Variants in VWA7 observed in about 807,000 individuals in gnomAD.
The protein encoded by VWA7 is von Willebrand factor A domain containing 7, also known as von Willebrand factor A domain-containing protein 7.
In VWA7, 66 loss-of-function variants were observed where a neutral mutation model predicts 83.1. The observed-to-expected ratio is 0.79, with a 90% CI of 0.65 to 0.98. The LOEUF is 0.98. Among genes scored for constraint, VWA7 ranks in the 50% least tolerant of loss-of-function variants. The probability of loss-of-function intolerance (pLI) is 0.00; values close to 1 mark genes in which losing one functional copy is unlikely to be tolerated. For missense variants in VWA7, 1,080 were observed against 1,160.2 expected, an observed-to-expected ratio of 0.93 and a Z score of 1.00; for synonymous variants, 424 against 488.5, an observed-to-expected ratio of 0.87 and a Z score of 1.74.
Position 31,773,343 on chromosome 6 carries a change from A to G in VWA7, c.816T>C (p.Pro272=). ...NKDSTSPGFS[P]HHMLHLQAAK... ...CAGCCTGGAGGTGCAGCATGTGGTG[A>G]GGGGAGAAGCCTGGGGATGTGCTGT... Residue 272 remains proline, a synonymous_variant, in exon 6 of 17, where the codon CCT becomes CCC. Transcript: ENST00000375688. This position sits in a 1 kb window ranked among gnomAD's most constrained non-coding sequence, Gnocchi z 5.3. The G allele has an allele frequency of 6.2e-7, 1 of 1,608,206 alleles. No homozygotes were observed.
rs1316873270 is a variant in VWA7, at chr6:31,770,130, A to G, written c.1088-17T>C. ...GGCCGAACCCTGGGAAGGGGAAAGG[A>G]GGTTAAGATAAGTGAGGAAAGAGCT... is the stretch of plus-strand genomic sequence containing the variant. On this transcript the variant is annotated splice_polypyrimidine_tract_variant and intron_variant, in intron 7 of 16. Transcript: ENST00000375688. The G allele has an allele frequency of 1.9e-6, 3 of 1,605,934 alleles. No homozygotes were observed. Among genetic ancestry groups the G allele is most frequent in the South Asian group, 2.2e-5 (2 of 90,800 alleles).
At chr6:31,772,810 G>C (rs1812325930) in intron 7 of VWA7, 144 bp downstream of exon 7, 1 of 964,028 alleles carries the variant, frequency 1.0e-6, no homozygotes, top group Non-Finnish European at 1.5e-6. Flanking sequence ...TATTAGTCAG[G>C]CTGGTCTCAA....
In VWA7 at chr6:31,773,048, G is replaced by A. The variant is rs149293400; in HGVS notation, c.993C>T (p.Asn331=). The A allele has an allele frequency of 4.8e-5, 78 of 1,612,560 alleles. No individual in the cohort carries two copies. The highest frequency in any genetic ancestry group is 8.9e-5 in the East Asian group (4 of 44,878). ...DTTGSMGEEI[N]AAKIQARHLV... ...GGTGGCGAGCCTGGATTTTGGCAGC[G>A]TTGATCTCCTCACCCATGCTGCCCG... is the stretch of plus-strand genomic sequence containing the variant. The change falls in exon 7 of 17, where the codon AAC becomes AAT. Residue 331 remains asparagine (N), a synonymous_variant. Coordinates refer to ENST00000375688, the MANE Select transcript of VWA7 (RefSeq NM_025258.3). The surrounding 1 kb of genome is among the most constrained non-coding windows in gnomAD (Gnocchi z 5.3).
At position 31,766,613 on chromosome 6, in the gene VWA7, C is replaced by T. The variant is rs1212556954; in HGVS notation, c.2034G>A (p.Pro678=). 4 of 1,612,898 alleles carry T rather than the reference C, an allele frequency of 2.5e-6. No homozygotes were observed. The highest frequency in any genetic ancestry group is 1.1e-5 in the South Asian group (1 of 91,092). Reference sequence around the variant, plus strand: ...GCGAGGCTGCGAGGAGACCTCGCTCCGGAGGTCCCACGGGCTCCAAGGGCA... The same window carrying T: ...GCGAGGCTGCGAGGAGACCTCGCTCTGGAGGTCCCACGGGCTCCAAGGGCA... ...GQVPLEPVGP[P]ERGLLAASLS... is the part of the protein sequence containing the mutation. The change falls in exon 14 of 17, where the codon CCG becomes CCA. Residue 678 remains proline (P), a synonymous_variant. Coordinates refer to ENST00000375688, the MANE Select transcript of VWA7 (RefSeq NM_025258.3). The surrounding 1 kb of genome is among the most constrained non-coding windows in gnomAD (Gnocchi z 4.9).
intron 4 of VWA7, among the ~76,000 whole-genome samples, chr6:31,774,890 G>A (rs1812545437): frequency 6.6e-6 from 1 of 152,126 alleles, no homozygotes; most frequent in Admixed American, 6.5e-5. Flanking sequence ...GGAGGCTAAG[G>A]CGGGCAGAGC....
Position 31,770,038 on chromosome 6 carries a change from C to G in VWA7, c.1163G>C (p.Gly388Ala), listed in dbSNP as rs142871734. 6.2e-7 allele frequency: 1 copy of G among 1,612,634 alleles called. No individual in the cohort carries two copies. Among genetic ancestry groups the G allele is most frequent in the South Asian group, 1.1e-5 (1 of 91,076 alleles). ...QQLNEIHALGGGDEPEMCLSA... is the reference protein window; with the variant it reads ...QQLNEIHALGAGDEPEMCLSA... The stretch of plus-strand genomic sequence containing the variant: ...CAGGCACATCTCAGGCTCGTCTCCA[C>G]CCCCCAAGGCATGGATCTCATTAAG... Residue 388 changes from glycine to alanine, a missense_variant, in exon 8 of 17, where the codon GGT (glycine) becomes GCT (alanine). By Grantham distance (60) the Gly-to-Ala change is moderately conservative. Transcript: ENST00000375688.
chr6:31,774,560 A>G lies in VWA7; in HGVS notation c.677T>C (p.Leu226Pro), dbSNP rs746480747. 6.2e-7 allele frequency: 1 copy of G among 1,612,812 alleles called. No homozygotes were observed. Among genetic ancestry groups the G allele is most frequent in the Non-Finnish European group, 8.5e-7 (1 of 1,179,930 alleles). ...AGTTCCAAAGTAGCCAGAGGTGAGG[A>G]GTGTGAAGCCCAGCCAATTCCTGGG... is the stretch of plus-strand genomic sequence containing the variant. ...SCPRNWLGFTLLTSGYFGTHP... is the reference protein window; with the variant it reads ...SCPRNWLGFTPLTSGYFGTHP... Residue 226 changes from leucine to proline, a missense_variant, in exon 5 of 17, where the codon CTC (leucine) becomes CCC (proline). Leu to Pro is a moderately conservative substitution (Grantham distance 98). Coordinates refer to ENST00000375688, the MANE Select transcript of VWA7 (RefSeq NM_025258.3).
Position 31,775,413 on chromosome 6 carries a change from C to G in VWA7, c.530G>C (p.Ser177Thr), listed in dbSNP as rs1346277026. 6.2e-7 allele frequency: 1 copy of G among 1,612,364 alleles called. No individual in the cohort carries two copies. The highest frequency in any genetic ancestry group is 2.2e-5 in the East Asian group (1 of 44,860). Reference protein sequence around the residue: ...LHALQDFYSHSNWVELGEQQP... With the variant: ...LHALQDFYSHTNWVELGEQQP... ...CTGCTCGCCCAGCTCCACCCAGTTG[C>G]TATGACTGTAGAAATCCTGGTCCGG... is the stretch of plus-strand genomic sequence containing the variant. Residue 177 changes from serine to threonine, a missense_variant, in exon 4 of 17, where the codon AGC becomes ACC. By Grantham distance (58) the Ser-to-Thr change is moderately conservative. Coordinates refer to ENST00000375688, the MANE Select transcript of VWA7 (RefSeq NM_025258.3). The surrounding 1 kb of genome is among the most constrained non-coding windows in gnomAD (Gnocchi z 5.9).
At position 31,765,691 on chromosome 6, in the gene VWA7, A is replaced by G; in HGVS notation, c.2579T>C (p.Val860Ala). The G allele has an allele frequency of 6.2e-7, 1 of 1,600,044 alleles. No homozygotes were observed. Among genetic ancestry groups the G allele is most frequent in the Non-Finnish European group, 8.5e-7 (1 of 1,173,440 alleles). The change falls in exon 17 of 17, where the codon GTG (valine) becomes GCG (alanine). Residue 860 changes from valine to alanine, a missense_variant. By Grantham distance (64) the Val-to-Ala change is moderately conservative (BLOSUM62 0). Transcript: ENST00000375688. ...ATPAFSPFTL[V>A]TQGRAGAGLA... ...CCCTGCCCCAGCCCTGCCTTGAGTC[A>G]CCAATGTGAAGGGGGAAAAGGCAGG...
At chr6:31,768,731 C>T (rs772523385) in intron 10 of VWA7, among the ~76,000 whole-genome samples, 2 of 151,886 alleles carry the variant, frequency 1.3e-5, no homozygotes, top group South Asian at 2.1e-4. Flanking sequence ...GTAACTCTAG[C>T]GACTTGGGAG....
rs1164245832 is a variant in VWA7 at position 31,766,040 on chromosome 6, T to C, written c.2342A>G (p.Asn781Ser). ...CCACAGGCGGCCCCAGGCCGACTCA[T>C]TCAGTTCCAGGTGAGCCCTGGAGAG... ...SNLSRAHLELNESAWGRLWLE... is the reference protein window; with the variant it reads ...SNLSRAHLELSESAWGRLWLE... Residue 781 changes from asparagine (N) to serine (S), a missense_variant, in exon 16 of 17, where the codon AAT becomes AGT. Coordinates refer to ENST00000375688, the MANE Select transcript of VWA7 (RefSeq NM_025258.3). The surrounding 1 kb of genome is among the most constrained non-coding windows in gnomAD (Gnocchi z 4.9). 3.1e-6 allele frequency: 5 copies of C among 1,612,724 alleles called. No individual in the cohort carries two copies. The highest frequency in any genetic ancestry group is 3.4e-6 in the Non-Finnish European group (4 of 1,180,002).
At position 31,766,825 on chromosome 6, in the gene VWA7, T is replaced by C; in HGVS notation, c.1883-61A>G. The C allele has an allele frequency of 6.5e-7, 1 of 1,529,764 alleles. No individual in the cohort carries two copies. The highest frequency in any genetic ancestry group is 8.8e-7 in the Non-Finnish European group (1 of 1,133,690). 94.8% of individuals were successfully genotyped at this position (1,529,764 alleles called of 1,614,324 possible). A position where few individuals can be genotyped will look rare whatever the true frequency, so the allele number is the denominator to read the frequency against. On this transcript the variant is annotated intron_variant, in intron 13 of 16. Coordinates refer to ENST00000375688, the MANE Select transcript of VWA7 (RefSeq NM_025258.3). The surrounding 1 kb of genome is among the most constrained non-coding windows in gnomAD (Gnocchi z 4.9). Reference sequence around the variant, plus strand: ...ATTCGGAGACACAGGGAGAAAAGAATTAATGGCCTTCAAAATAGGGGTTCC... The same window carrying C: ...ATTCGGAGACACAGGGAGAAAAGAACTAATGGCCTTCAAAATAGGGGTTCC...
rs141110068 is a variant in VWA7 at position 31,765,747 on chromosome 6, G to C, written c.2523C>G (p.Gly841=). Residue 841 remains glycine (G), a synonymous_variant, in exon 17 of 17, where the codon GGC becomes GGG. Coordinates refer to ENST00000375688, the MANE Select transcript of VWA7 (RefSeq NM_025258.3). ...APQDRHTTPT[G]SSDPILTTAT... The stretch of plus-strand genomic sequence containing the variant: ...CCGTGGTGAGGATCGGGTCAGATGA[G>C]CCGGTAGGGGTGGTGTGCCGGTCCT... The C allele has an allele frequency of 2.1e-5, 34 of 1,588,512 alleles. No individual in the cohort carries two copies. The highest frequency in any genetic ancestry group is 2.7e-5 in the Non-Finnish European group (31 of 1,167,132).
At chr6:31,767,100 T>A (rs1247797394) in intron 13 of VWA7, 58 bp downstream of exon 13, 16 of 378,404 alleles carry the variant, frequency 4.2e-5, no homozygotes, top group Non-Finnish European at 6.2e-5. Context: ...ATTATATATT[T>A]TATATATATA....
In VWA7 at chr6:31,775,809, G is replaced by A. The variant is rs931386161; in HGVS notation, c.513+155C>T. Among the ~76,000 whole-genome samples, 5 of 152,198 alleles carry A rather than the reference G, an allele frequency of 3.3e-5. No homozygotes were observed. The highest frequency in any genetic ancestry group is 1.2e-4 in the African/African-American group (5 of 41,448). ...AGGAAGCACTGCCAGCTTGGAGGTG[G>A]GGAACTGGGACACAGCCTCGGGGCA... On this transcript the variant is annotated intron_variant, in intron 3 of 16. Coordinates refer to ENST00000375688, the MANE Select transcript of VWA7 (RefSeq NM_025258.3). The surrounding 1 kb of genome is among the most constrained non-coding windows in gnomAD (Gnocchi z 5.9).
chr6:31,770,426 C>T (rs183606191), intron 7 of VWA7, among the ~76,000 whole-genome samples: 132 of 150,698 alleles, frequency 8.8e-4, no homozygotes, highest in Non-Finnish European at 1.3e-3. Flanking sequence ...CCGTAGCCTC[C>T]CCAGTAGCCT....
Position 31,766,350 on chromosome 6 carries a change from C to CT in VWA7, c.2218dup (p.Ser740LysfsTer19). 1 of 1,606,360 alleles carries CT rather than the reference C, an allele frequency of 6.2e-7. No homozygotes were observed. Among genetic ancestry groups the CT allele is most frequent in the East Asian group, 2.2e-5 (1 of 44,726 alleles). ...GATGCGGAGACTGAGCGGGACTTTG[C>CT]TGCCCGGGGCCAAGAAACCCGAGGG... On this transcript the variant is annotated frameshift_variant, in exon 15 of 17. Transcript: ENST00000375688. LOFTEE classifies it high-confidence loss of function. The surrounding 1 kb of genome is among the most constrained non-coding windows in gnomAD (Gnocchi z 4.9).
In VWA7 at chr6:31,766,450, C is replaced by G. The variant is rs746605859; in HGVS notation, c.2184+13G>C. 8 of 1,582,366 alleles carry G rather than the reference C, an allele frequency of 5.1e-6. No homozygotes were observed. In the South Asian group the frequency reaches 5.7e-5, roughly 11 times the overall value. ...CTCTCCAGCCCCAGCCGCACTTTCC[C>G]CTGGCGTCTCACCTCCAGAAGGACA... On this transcript the variant is annotated intron_variant, in intron 14 of 16. Coordinates refer to ENST00000375688, the MANE Select transcript of VWA7 (RefSeq NM_025258.3). The surrounding 1 kb of genome is among the most constrained non-coding windows in gnomAD (Gnocchi z 4.9).
Position 31,770,104 on chromosome 6 carries a change from G to A in VWA7, c.1097C>T (p.Pro366Leu). 6.2e-7 allele frequency: 1 copy of A among 1,612,900 alleles called. No homozygotes were observed. Among genetic ancestry groups the A allele is most frequent in the Admixed American group, 1.7e-5 (1 of 60,004 alleles). The change falls in exon 8 of 17, where the codon CCT (proline) becomes CTT (leucine). Residue 366 changes from proline to leucine, a missense_variant. Physicochemically the swap from Pro to Leu is moderately conservative, Grantham distance 98. Transcript: ENST00000375688. ...LVPFHDPGFG[P>L]VFTTSDPDSF... ...GTCAGGGTCACTGGTTGTAAAGACA[G>A]GGCCGAACCCTGGGAAGGGGAAAGG...
Sources: gnomAD v4.1 joint callset for allele counts (sites outside exome capture counted in the v4.1 genomes callset) on GRCh38, gnomAD v4.1.1 for gene constraint, Gnocchi (gnomAD v3.1) non-coding constraint, MANE v1.5 for transcripts, NCBI Gene and HGNC (gene_info 2026-07-23, HGNC 2026-07-21) for gene names.